The following GPT variants were observed in gnomAD, a reference collection of about 807,000 sequenced individuals.
GPT encodes glutamic--pyruvic transaminase, also known as alanine aminotransferase 1.
In GPT, 60 loss-of-function variants were observed where a neutral mutation model predicts 51.4. The observed-to-expected ratio is 1.17, with a 90% CI of 0.95 to 1.45. GPT has a LOEUF of 1.45. Among genes scored for constraint, GPT ranks in the 40% most tolerant of loss-of-function variants. The pLI is 0.00. For missense variants in GPT, 853 were observed against 704.0 expected, an observed-to-expected ratio of 1.21 and a Z score of -2.40; for synonymous variants, 397 against 303.1, an observed-to-expected ratio of 1.31 and a Z score of -3.22.
chr8:144,507,134 T>C lies in GPT; in HGVS notation c.*134T>C. ...GGGGGGTGCTGGGCCCCTGCCTCTCTGCAGGTCCCTAATAAAGCTGTGTGG... is the reference window on the plus strand; with the variant it reads ...GGGGGGTGCTGGGCCCCTGCCTCTCCGCAGGTCCCTAATAAAGCTGTGTGG... On this transcript the variant is annotated 3_prime_UTR_variant, in exon 11 of 11. Coordinates refer to ENST00000394955, the MANE Select transcript of GPT (RefSeq NM_005309.3). 1.4e-6 allele frequency: 1 copy of C among 701,566 alleles called. No individual in the cohort carries two copies. Among genetic ancestry groups the C allele is most frequent in the Non-Finnish European group, 2.6e-6 (1 of 388,666 alleles). 43.5% of individuals were successfully genotyped at this position (701,566 alleles called of 1,614,324 possible).
Position 144,506,290 on chromosome 8 carries a change from C to A in GPT, c.1015C>A (p.Gln339Lys). The A allele has an allele frequency of 6.2e-7, 1 of 1,600,284 alleles. No individual in the cohort carries two copies. The highest frequency in any genetic ancestry group is 2.2e-5 in the East Asian group (1 of 44,450). ...VVNMDAAVQQ[Q>K]MLKLMSVRLC... ...GAACATGGACGCTGCAGTGCAGCAG[C>A]AGATGCTGAAGCTGATGAGTGTGCG... Residue 339 changes from glutamine to lysine, a missense_variant, in exon 8 of 11, where the codon CAG becomes AAG. By Grantham distance (53) the Gln-to-Lys change is moderately conservative. Transcript: ENST00000394955. This position sits in a 1 kb window ranked among gnomAD's most constrained non-coding sequence, Gnocchi z 7.0.
At position 144,504,978 on chromosome 8, in the gene GPT, C is replaced by T. The variant is rs1826712510; in HGVS notation, c.362-20C>T. On this transcript the variant is annotated intron_variant, in intron 3 of 10. Coordinates refer to ENST00000394955, the MANE Select transcript of GPT (RefSeq NM_005309.3). ...GGAGAACTTCACCTGTACTTCCCAT[C>T]CTGTCCTGCCCGAGTCCAGGGGCCT... The T allele has an allele frequency of 6.2e-7, 1 of 1,613,016 alleles. No individual in the cohort carries two copies. The highest frequency in any genetic ancestry group is 8.5e-7 in the Non-Finnish European group (1 of 1,179,972).
chr8:144,505,358 A>T lies in GPT; in HGVS notation c.608A>T (p.Gln203Leu), dbSNP rs753219034. ...SATLAELGAVQVDYYLDEERA... is the reference protein window; with the variant it reads ...SATLAELGAVLVDYYLDEERA... The stretch of plus-strand genomic sequence containing the variant: ...ACGCTGGCAGAGCTGGGCGCAGTGC[A>T]GGTGGATTACTACCTGGACGAGGAG... Residue 203 changes from glutamine to leucine, a missense_variant, in exon 5 of 11, where the codon CAG (glutamine) becomes CTG (leucine). Transcript: ENST00000394955. 17 of 1,580,858 alleles carry T rather than the reference A, an allele frequency of 1.1e-5. No individual in the cohort carries two copies. In the South Asian group the frequency reaches 1.8e-4, roughly 17 times the overall value.
At position 144,507,049 on chromosome 8, in the gene GPT, A is replaced by C; in HGVS notation, c.*49A>C. 1 of 1,075,932 alleles carries C rather than the reference A, an allele frequency of 9.3e-7. No individual in the cohort carries two copies. Among genetic ancestry groups the C allele is most frequent in the Non-Finnish European group, 1.3e-6 (1 of 772,296 alleles). 66.6% of individuals were successfully genotyped at this position (1,075,932 alleles called of 1,614,324 possible). ...GGTCGCCCTGGACTGTGTGCTCAGGAGCCCTGGGAGGCTCTGGAGCCCACT... is the reference window on the plus strand; with the variant it reads ...GGTCGCCCTGGACTGTGTGCTCAGGCGCCCTGGGAGGCTCTGGAGCCCACT... On this transcript the variant is annotated 3_prime_UTR_variant, in exon 11 of 11. Transcript: ENST00000394955.
chr8:144,505,337 T>C lies in GPT; in HGVS notation c.587T>C (p.Leu196Pro). ...CAGTACCCACTCTACTCGGCCACGC[T>C]GGCAGAGCTGGGCGCAGTGCAGGTG... ...IPQYPLYSAT[L>P]AELGAVQVDY... The change falls in exon 5 of 11, where the codon CTG (leucine) becomes CCG (proline). Residue 196 changes from leucine (L) to proline (P), a missense_variant. Transcript: ENST00000394955. 2 of 1,572,226 alleles carry C rather than the reference T, an allele frequency of 1.3e-6. No individual in the cohort carries two copies. Among genetic ancestry groups the C allele is most frequent in the Admixed American group, 1.9e-5 (1 of 53,436 alleles).
At chr8:144,503,919 T>A (rs1280957425), upstream of GPT, 2 of 287,430 alleles carry the variant, frequency 7.0e-6, no homozygotes, top group East Asian at 9.2e-5. Flanking sequence ...CCTCCCCCCA[T>A]GTCTAGTCCC....
At position 144,506,252 on chromosome 8, in the gene GPT, ATG is replaced by A; in HGVS notation, c.980_981del (p.Val327GlyfsTer51). 6.2e-7 allele frequency: 1 copy of A among 1,606,830 alleles called. No individual in the cohort carries two copies. Among genetic ancestry groups the A allele is most frequent in the Non-Finnish European group, 8.5e-7 (1 of 1,179,022 alleles). Reference sequence around the variant, plus strand: ...CGCAGGTGCGGGTTCCGCGGCGGCTATGTGGAGGTGGTGAACATGGACGCTGC... The same window carrying A: ...CGCAGGTGCGGGTTCCGCGGCGGCTATGGAGGTGGTGAACATGGACGCTGC... On this transcript the variant is annotated frameshift_variant, in exon 8 of 11. Transcript: ENST00000394955. LOFTEE classifies it high-confidence loss of function. The surrounding 1 kb of genome is among the most constrained non-coding windows in gnomAD (Gnocchi z 7.0).
rs767067083 is a variant in GPT at position 144,506,224 on chromosome 8, G to A, written c.957-8G>A. The A allele has an allele frequency of 1.2e-6, 2 of 1,605,926 alleles. No homozygotes were observed. The highest frequency in any genetic ancestry group is 2.2e-5 in the South Asian group (2 of 90,552). On this transcript the variant is annotated splice_region_variant and splice_polypyrimidine_tract_variant and intron_variant, in intron 7 of 10. Transcript: ENST00000394955. This position sits in a 1 kb window ranked among gnomAD's most constrained non-coding sequence, Gnocchi z 7.0. ...CCCCTCCTCCGCACCTGACCTGGCC[G>A]TGCGCAGGTGCGGGTTCCGCGGCGG...
In GPT at chr8:144,504,779, C is replaced by T. The variant is rs997046225; in HGVS notation, c.261C>T (p.Ala87=). ...RPITFLRQVL[A]LCVNPDLLSS... is the part of the protein sequence containing the mutation. ...GCACTCCGTCTTCCCAGGTCTTGGC[C>T]CTCTGTGTTAACCCTGATCTTCTGA... The change falls in exon 3 of 11, where the codon GCC becomes GCT. Residue 87 remains alanine, a synonymous_variant. Coordinates refer to ENST00000394955, the MANE Select transcript of GPT (RefSeq NM_005309.3). 5.6e-6 allele frequency: 9 copies of T among 1,613,658 alleles called. No individual in the cohort carries two copies. Among genetic ancestry groups the T allele is most frequent in the East Asian group, 2.2e-5 (1 of 44,890 alleles).
upstream of GPT, chr8:144,504,109 C>T: frequency 6.1e-6 from 4 of 650,522 alleles, no homozygotes; most frequent in Non-Finnish European, 8.3e-6. Flanking sequence ...CCCAACTGTC[C>T]CCAGCTCCTT....
Position 144,505,830 on chromosome 8 carries a change from G to A in GPT, c.740-18G>A. On this transcript the variant is annotated intron_variant, in intron 5 of 10. Transcript: ENST00000394955. ...CCCCCTTGGCTCACCCAGCACTGCT[G>A]CCTCCCCGGCACCCCAGGGCAGGTG... The A allele has an allele frequency of 6.5e-7, 1 of 1,542,484 alleles. No homozygotes were observed. Among genetic ancestry groups the A allele is most frequent in the South Asian group, 1.2e-5 (1 of 84,188 alleles).
At position 144,506,346 on chromosome 8, in the gene GPT, G is replaced by A. The variant is rs774659581; in HGVS notation, c.1071G>A (p.Leu357=). ...RLCPPVPGQA[L]LDLVVSPPAP... Reference sequence around the variant, plus strand: ...GCCCGCCGGTGCCAGGACAGGCCCTGCTGGACCTGGTGGTCAGCCCGCCCG... The same window carrying A: ...GCCCGCCGGTGCCAGGACAGGCCCTACTGGACCTGGTGGTCAGCCCGCCCG... Residue 357 remains leucine, a synonymous_variant, in exon 8 of 11, where the codon CTG becomes CTA. Transcript: ENST00000394955. This position sits in a 1 kb window ranked among gnomAD's most constrained non-coding sequence, Gnocchi z 7.0. 7 of 1,577,184 alleles carry A rather than the reference G, an allele frequency of 4.4e-6. No individual in the cohort carries two copies. Among genetic ancestry groups the A allele is most frequent in the Non-Finnish European group, 5.1e-6 (6 of 1,165,568 alleles).
Position 144,507,092 on chromosome 8 carries a change from C to A in GPT, c.*92C>A. 3.1e-6 allele frequency: 1 copy of A among 324,942 alleles called. No homozygotes were observed. Among genetic ancestry groups the A allele is most frequent in the South Asian group, 2.0e-5 (1 of 50,296 alleles). The allele number at this position is 324,942 out of a possible 1,614,324, so 20.1% of individuals were successfully genotyped here. A position where few individuals can be genotyped will look rare whatever the true frequency, so the allele number is the denominator to read the frequency against. ...AGCCCACTGTACTTGCTCTTGATGC[C>A]TGGCGGGGTGGGGTGGGGGGGGTGC... On this transcript the variant is annotated 3_prime_UTR_variant, in exon 11 of 11. Coordinates refer to ENST00000394955, the MANE Select transcript of GPT (RefSeq NM_005309.3).
Position 144,507,114 on chromosome 8 carries a change from G to GGGGGGGGGGGGCC in GPT, c.*114_*115insGGGGGGGGGGGCC. On this transcript the variant is annotated 3_prime_UTR_variant, in exon 11 of 11. Coordinates refer to ENST00000394955, the MANE Select transcript of GPT (RefSeq NM_005309.3). ...TGCCTGGCGGGGTGGGGTGGGGGGG[G>GGGGGGGGGGGGCC]TGCTGGGCCCCTGCCTCTCTGCAGG... 1 of 498,332 alleles carries GGGGGGGGGGGGCC rather than the reference G, an allele frequency of 2.0e-6. No individual in the cohort carries two copies. Among genetic ancestry groups the GGGGGGGGGGGGCC allele is most frequent in the Admixed American group, 2.3e-5 (1 of 43,706 alleles). 30.9% of individuals were successfully genotyped at this position (498,332 alleles called of 1,614,324 possible). A position where few individuals can be genotyped will look rare whatever the true frequency, so the allele number is the denominator to read the frequency against.
At chr8:144,505,190 G>C in intron 4 of GPT, 56 bp from the exon 5 acceptor site, 1 of 1,612,490 alleles carries the variant, frequency 6.2e-7, no homozygotes, top group Non-Finnish European at 8.5e-7. Context: ...GCCCAGGGTG[G>C]GGGACAGGTG....
At position 144,505,927 on chromosome 8, in the gene GPT, G is replaced by A. The variant is rs1003839859; in HGVS notation, c.819G>A (p.Glu273=). 7 of 1,609,262 alleles carry A rather than the reference G, an allele frequency of 4.3e-6. No homozygotes were observed. In the African/African-American group the frequency reaches 8.0e-5, roughly 18 times the overall value. Residue 273 remains glutamate (E), a splice_region_variant and synonymous_variant, in exon 6 of 11, where the codon GAG becomes GAA. Coordinates refer to ENST00000394955, the MANE Select transcript of GPT (RefSeq NM_005309.3). ...FEERLFLLAD[E]VYQDNVYAAG... ...AGCGGCTCTTTCTGCTGGCGGACGA[G>A]GTGCGCGGCGCGGGGGAGCGGGAAG...
rs547966842 is a variant in GPT at position 144,506,162 on chromosome 8, C to A, written c.956+31C>A. On this transcript the variant is annotated intron_variant, in intron 7 of 10. Transcript: ENST00000394955. The surrounding 1 kb of genome is among the most constrained non-coding windows in gnomAD (Gnocchi z 7.0). ...TGCGTACGAGGCGGGTGGGGGCTCG[C>A]GGGCCATGGCCAGGCCCTCCTCGCC... 5.7e-5 allele frequency: 92 copies of A among 1,604,572 alleles called. No homozygotes were observed. Among genetic ancestry groups the A allele is most frequent in the Non-Finnish European group, 6.8e-5 (80 of 1,175,966 alleles).
chr8:144,505,384 C>A lies in GPT; in HGVS notation c.634C>A (p.Arg212Ser), dbSNP rs781196445. Residue 212 changes from arginine (R) to serine (S), a missense_variant, in exon 5 of 11, where the codon CGT becomes AGT. Arg to Ser is a moderately radical substitution (Grantham distance 110). Coordinates refer to ENST00000394955, the MANE Select transcript of GPT (RefSeq NM_005309.3). ...VQVDYYLDEE[R>S]AWALDVAELH... The stretch of plus-strand genomic sequence containing the variant: ...GGTGGATTACTACCTGGACGAGGAG[C>A]GTGCCTGGGCGCTGGACGTGGCCGA... The A allele has an allele frequency of 3.8e-6, 6 of 1,592,524 alleles. No individual in the cohort carries two copies. The highest frequency in any genetic ancestry group is 1.8e-5 in the Admixed American group (1 of 57,020).
At chr8:144,505,669 G>C (rs1486591627) in intron 5 of GPT, among the ~76,000 whole-genome samples, 179 bp from the exon 6 acceptor site, 2 of 86,948 alleles carry the variant, frequency 2.3e-5, no homozygotes, top group African/African-American at 9.5e-5. Flanking sequence ...TGCGTTCCCC[G>C]CCGCCCCGCC....
Sources: allele counts gnomAD v4.1 joint callset (sites outside exome capture counted in the v4.1 genomes callset), GRCh38; gene constraint gnomAD v4.1.1; non-coding constraint Gnocchi (gnomAD v3.1); transcripts MANE v1.5; gene names NCBI Gene and HGNC (gene_info 2026-07-23, HGNC 2026-07-21).